The following GABRG1 variants were observed in gnomAD, a reference collection of about 807,000 sequenced individuals.
GABRG1 encodes gamma-aminobutyric acid receptor subunit gamma-1.
GABRG1 carries 49 observed loss-of-function variants against 49.8 expected under a neutral mutation model. That is an observed-to-expected ratio of 0.98 (90% CI 0.78 to 1.25). The LOEUF (loss-of-function observed/expected upper bound fraction) is 1.25. Ranked by LOEUF, GABRG1 falls within the 50% of genes most tolerant of loss-of-function variation. The pLI, the probability that GABRG1 is intolerant of heterozygous loss-of-function variation, is 0.00. For missense variants in GABRG1, 552 were observed against 552.3 expected (o/e 1.00, Z 0.01); for synonymous variants, 232 against 185.1 (o/e 1.25, Z -2.06).
chr4:46,089,092 A>G (rs187163950), intron 2 of GABRG1, among the ~76,000 whole-genome samples: 13 of 152,102 alleles, frequency 8.5e-5, no homozygotes, highest in African/African-American at 2.9e-4. Context: ...TAACTTGGTT[A>G]GCAGCGTCTC....
At chr4:46,114,493 C>A (rs917819645) in intron 1 of GABRG1, among the ~76,000 whole-genome samples, 1 of 150,826 alleles carries the variant, frequency 6.6e-6, no homozygotes, top group Non-Finnish European at 1.5e-5. Context: ...TAATTAATTA[C>A]TTATTTATTT....
intron 7 of GABRG1, among the ~76,000 whole-genome samples, chr4:46,056,958 AC>A (rs1431506928): frequency 1.2e-4 from 19 of 152,266 alleles, no homozygotes; most frequent in Admixed American, 3.9e-4. Flanking sequence ...CTAGCATAGA[AC>A]TTTATACAAA....
intron 1 of GABRG1, among the ~76,000 whole-genome samples, chr4:46,102,764 C>T (rs1293994290): frequency 2.0e-5 from 3 of 151,474 alleles, no homozygotes; most frequent in African/African-American, 7.3e-5. Flanking sequence ...GGAAAAAAAC[C>T]TTTAATAACT....
intron 3 of GABRG1, among the ~76,000 whole-genome samples, chr4:46,075,440 C>T (rs3898224): frequency 0.57 from 86,329 of 151,882 alleles, 25,064 homozygotes; most frequent in African/African-American, 0.64. Context: ...AGGTGATCCT[C>T]CCGCCTCGGC....
At position 46,038,815 on chromosome 4, in the gene GABRG1, G is replaced by T. The variant is rs1318577456; in HGVS notation, c.*2173C>A. ...TGCTTGATGGTATATACAAGGAAAG[G>T]CATCTTTCATATATTTACAAATTTT... On this transcript the variant is annotated 3_prime_UTR_variant, in exon 9 of 9. Coordinates refer to ENST00000295452, the MANE Select transcript of GABRG1 (RefSeq NM_173536.4). 6.6e-6 allele frequency: 1 copy of T among 151,596 alleles called. No individual in the cohort carries two copies. Among genetic ancestry groups the T allele is most frequent in the Non-Finnish European group, 1.5e-5 (1 of 67,698 alleles). 9.4% of individuals were successfully genotyped at this position (151,596 alleles called of 1,614,324 possible). A position where few individuals can be genotyped will look rare whatever the true frequency, so the allele number is the denominator to read the frequency against.
chr4:46,045,886 A>G (rs1250339451), intron 8 of GABRG1, among the ~76,000 whole-genome samples: 1 of 152,048 alleles, frequency 6.6e-6, no homozygotes, highest in Non-Finnish European at 1.5e-5. Flanking sequence ...ATAGTAAGTT[A>G]AAATACTGAG....
chr4:46,068,131 TAGAC>T (rs1188188204), intron 3 of GABRG1, among the ~76,000 whole-genome samples: 2 of 152,140 alleles, frequency 1.3e-5, no homozygotes, highest in African/African-American at 4.8e-5. Context: ...CAAATACAAA[TAGAC>T]AGAAGGCTCA....
intron 2 of GABRG1, among the ~76,000 whole-genome samples, chr4:46,088,061 A>G (rs936448933): frequency 2.0e-5 from 3 of 152,084 alleles, no homozygotes; most frequent in Non-Finnish European, 4.4e-5. Flanking sequence ...GCTTCCAAAA[A>G]TGGTCAATAC....
intron 3 of GABRG1, among the ~76,000 whole-genome samples, chr4:46,067,076 TG>T (rs1718946568): frequency 6.6e-6 from 1 of 151,384 alleles, no homozygotes; most frequent in Non-Finnish European, 1.5e-5. Context: ...ATATAAGAAA[TG>T]GAAGTACAAT....
At chr4:46,105,446 C>A (rs1720504056) in intron 1 of GABRG1, among the ~76,000 whole-genome samples, 1 of 151,198 alleles carries the variant, frequency 6.6e-6, no homozygotes, top group Non-Finnish European at 1.5e-5. Flanking sequence ...TTTGAATAGC[C>A]CTATAACTTC....
intron 2 of GABRG1, among the ~76,000 whole-genome samples, chr4:46,096,743 G>A (rs1345638395): frequency 2.0e-5 from 3 of 151,510 alleles, no homozygotes; most frequent in African/African-American, 2.4e-5. Context: ...ACCTACTAGT[G>A]AAATAGAGAT....
chr4:46,066,112 T>C (rs68113779), intron 3 of GABRG1, among the ~76,000 whole-genome samples: 6,249 of 152,238 alleles, frequency 0.041, 205 homozygotes, highest in Admixed American at 0.077. Flanking sequence ...TTATTTTTTA[T>C]TTTTTGTGTG....
At chr4:46,099,140 C>T (rs1720292876) in intron 1 of GABRG1, among the ~76,000 whole-genome samples, 1 of 151,616 alleles carries the variant, frequency 6.6e-6, no homozygotes, top group African/African-American at 2.4e-5. Flanking sequence ...AATTATGCTT[C>T]TCACCCTACT....
At chr4:46,053,647 A>C (rs982011343) in intron 7 of GABRG1, among the ~76,000 whole-genome samples, 2 of 151,970 alleles carry the variant, frequency 1.3e-5, no homozygotes, top group Non-Finnish European at 2.9e-5. Flanking sequence ...TGGCTCCACA[A>C]TTATGTCTCC....
intron 1 of GABRG1, among the ~76,000 whole-genome samples, chr4:46,112,158 C>T (rs1325853303): frequency 6.6e-6 from 1 of 151,086 alleles, no homozygotes; most frequent in East Asian, 2.0e-4. Flanking sequence ...CAAAATAAAA[C>T]CCCACTAAAA....
intron 1 of GABRG1, among the ~76,000 whole-genome samples, chr4:46,110,866 A>G (rs563985797): frequency 6.6e-6 from 1 of 151,158 alleles, no homozygotes; most frequent in African/African-American, 2.4e-5. Flanking sequence ...AATAAGAGTC[A>G]TCTATGACAA....
At position 46,056,146 on chromosome 4, in the gene GABRG1, TAAATTAAAAAAAAAAAAA is replaced by T. The variant is rs1334504109; in HGVS notation, c.916+2053_916+2070del. On this transcript the variant is annotated intron_variant, in intron 7 of 8. Transcript: ENST00000295452. ...AAGGAAAAAAAAAAAAATAAATAAA[TAAATTAAAAAAAAAAAAA>T]AAAAAAAAAAAAAAAATAGTCTCCC... Among the ~76,000 whole-genome samples the T allele has an allele frequency of 5.3e-4, 3 of 5,684 alleles. 1 individual carries two copies. The highest frequency in any genetic ancestry group is 3.6e-3 in the African/African-American group (3 of 840). The allele number at this position is 5,684 out of a possible 152,430, so 3.7% of individuals were successfully genotyped here.
At chr4:46,045,877 T>C (rs1480636029) in intron 8 of GABRG1, among the ~76,000 whole-genome samples, 1 of 151,966 alleles carries the variant, frequency 6.6e-6, no homozygotes, top group Admixed American at 6.6e-5. Context: ...TAACTATTAA[T>C]AGTAAGTTAA....
At position 46,059,802 on chromosome 4, in the gene GABRG1, T is replaced by C. The variant is rs555624269; in HGVS notation, c.626-1180A>G. Among the ~76,000 whole-genome samples, 4 of 152,302 alleles carry C rather than the reference T, an allele frequency of 2.6e-5. No homozygotes were observed. In the South Asian group the frequency reaches 6.2e-4, roughly 24 times the overall value. On this transcript the variant is annotated intron_variant, in intron 5 of 8. Transcript: ENST00000295452. ...TGATAAATGCAGTCTTCTTCATTTTTACTCGTCCATGAAGTGTATTTTATT... is the reference window on the plus strand; with the variant it reads ...TGATAAATGCAGTCTTCTTCATTTTCACTCGTCCATGAAGTGTATTTTATT...
Sources: gnomAD v4.1 joint callset for allele counts (sites outside exome capture counted in the v4.1 genomes callset) on GRCh38, gnomAD v4.1.1 for gene constraint, MANE v1.5 for transcripts, NCBI Gene and HGNC (gene_info 2026-07-23, HGNC 2026-07-21) for gene names.